Variants in ZNRF2 observed in about 807,000 individuals in gnomAD.
The protein encoded by ZNRF2 is E3 ubiquitin-protein ligase ZNRF2.
In ZNRF2, 16 loss-of-function variants were observed where a neutral mutation model predicts 20.4. The ratio of observed to expected loss-of-function variants is 0.79; its 90% confidence interval spans 0.53 to 1.19. The LOEUF (loss-of-function observed/expected upper bound fraction) is 1.19, where lower values mean the gene tolerates loss of function less well. ZNRF2 is among the 50% of genes most tolerant of loss of function. The probability of loss-of-function intolerance (pLI) is 0.00; values close to 1 mark genes in which losing one functional copy is unlikely to be tolerated. For synonymous variants in ZNRF2, 178 were observed against 144.9 expected (o/e 1.23, Z -1.64); for missense variants, 363 against 332.4 (o/e 1.09, Z -0.72).
chr7:30,299,974 G>A (rs965235530), intron 1 of ZNRF2, among the ~76,000 whole-genome samples: 3 of 151,302 alleles, frequency 2.0e-5, no homozygotes, highest in Non-Finnish European at 4.4e-5. Context: ...TAATAGAGAC[G>A]GGGTTTTCAC....
chr7:30,320,881 T>A (rs1051733496), intron 1 of ZNRF2, among the ~76,000 whole-genome samples: 3 of 152,218 alleles, frequency 2.0e-5, no homozygotes, highest in Admixed American at 2.0e-4. Flanking sequence ...CATAATGCCT[T>A]AGAGCTGCCT....
At chr7:30,346,752 A>G (rs1215407074) in intron 2 of ZNRF2, among the ~76,000 whole-genome samples, 3 of 151,970 alleles carry the variant, frequency 2.0e-5, no homozygotes, top group Non-Finnish European at 2.9e-5. Context: ...TCTAAAATCA[A>G]GTCTTATTTA....
rs1438027644 is a variant in ZNRF2, at chr7:30,327,470, AC to A, written c.565+3734del. 7.9e-5 allele frequency among the ~76,000 whole-genome samples: 12 copies of A among 152,090 alleles called. No individual in the cohort carries two copies. In the South Asian group the frequency reaches 1.7e-3, roughly 21 times the overall value. On this transcript the variant is annotated intron_variant, in intron 2 of 4. Transcript: ENST00000323037. ...TGACAGTTCTTAATTTCCTGATTTA[AC>A]TATGCCTAAGTCATTAAACTGTTCT...
chr7:30,308,730 C>T (rs1367573275), intron 1 of ZNRF2, among the ~76,000 whole-genome samples: 1 of 152,056 alleles, frequency 6.6e-6, no homozygotes, highest in African/African-American at 2.4e-5. Flanking sequence ...TTCTTTACAT[C>T]CTCTGTAACA....
intron 2 of ZNRF2, 87 bp downstream of exon 2, chr7:30,323,824 G>A (rs911396419): frequency 1.1e-6 from 1 of 908,952 alleles, no homozygotes; most frequent in African/African-American, 1.8e-5. Context: ...TTTAAAAGGA[G>A]GGAAGGACAT....
At chr7:30,358,107 A>AT (rs1800069375) in intron 3 of ZNRF2, among the ~76,000 whole-genome samples, 1 of 152,162 alleles carries the variant, frequency 6.6e-6, no homozygotes, top group Non-Finnish European at 1.5e-5. Context: ...TTAACTCAAT[A>AT]AATGTGAGAA....
At chr7:30,327,194 T>C (rs574795231) in intron 2 of ZNRF2, among the ~76,000 whole-genome samples, 42 of 152,356 alleles carry the variant, frequency 2.8e-4, no homozygotes, top group Middle Eastern at 6.8e-3. Flanking sequence ...GCCTTTGTCA[T>C]GAAATCTTTG....
chr7:30,365,233 G>A (rs1800194587), intron 4 of ZNRF2, among the ~76,000 whole-genome samples: 1 of 127,264 alleles, frequency 7.9e-6, no homozygotes, highest in Non-Finnish European at 1.6e-5. Flanking sequence ...TTTTCCTTTA[G>A]TGTCACAGTG....
At chr7:30,289,640 C>T (rs13307952) in intron 1 of ZNRF2, among the ~76,000 whole-genome samples, 18 of 152,134 alleles carry the variant, frequency 1.2e-4, no homozygotes, top group Admixed American at 4.6e-4. Context: ...CTTCGTGTTA[C>T]ATGTTTTGCT....
intron 1 of ZNRF2, among the ~76,000 whole-genome samples, chr7:30,311,801 C>T (rs1372222697): frequency 6.6e-6 from 1 of 152,060 alleles, no homozygotes; most frequent in East Asian, 1.9e-4. Context: ...CAGTAGTCGG[C>T]AAAATTTTAT....
At chr7:30,289,630 C>G (rs1020711060) in intron 1 of ZNRF2, among the ~76,000 whole-genome samples, 14 of 152,160 alleles carry the variant, frequency 9.2e-5, no homozygotes, top group African/African-American at 3.1e-4. Flanking sequence ...AATTTCATAC[C>G]TTCGTGTTAC....
chr7:30,366,542 T>G lies in ZNRF2; in HGVS notation c.*530T>G, dbSNP rs1800218311. Reference sequence around the variant, plus strand: ...AAGTCTTAAATGTGAAACCAAGAAATGTAATCAAGCAGTAAAAACATCTGA... The same window carrying G: ...AAGTCTTAAATGTGAAACCAAGAAAGGTAATCAAGCAGTAAAAACATCTGA... On this transcript the variant is annotated 3_prime_UTR_variant, in exon 5 of 5. Transcript: ENST00000323037. The G allele has an allele frequency of 1.3e-5, 2 of 152,500 alleles. No homozygotes were observed. The highest frequency in any genetic ancestry group is 2.9e-5 in the Non-Finnish European group (2 of 67,986). 9.4% of individuals were successfully genotyped at this position (152,500 alleles called of 1,614,324 possible).
Position 30,311,515 on chromosome 7 carries a change from G to A in ZNRF2, c.470-12127G>A, listed in dbSNP as rs377215395. ...AACTAACACATACCAATGAAAAGTG[G>A]TTTCCATAGGTGAGCCCCAATGGGA... is the stretch of plus-strand genomic sequence containing the variant. On this transcript the variant is annotated intron_variant, in intron 1 of 4. Transcript: ENST00000323037. Among the ~76,000 whole-genome samples the A allele has an allele frequency of 4.6e-5, 7 of 152,292 alleles. No individual in the cohort carries two copies. In the East Asian group the frequency reaches 1.2e-3, roughly 25 times the overall value.
intron 1 of ZNRF2, among the ~76,000 whole-genome samples, chr7:30,295,044 AGAGAGAGTGTGTGTGTGTGTGTGT>A (rs1181755997): frequency 7.2e-5 from 8 of 111,806 alleles, no homozygotes; most frequent in Admixed American, 2.6e-4. Context: ...AGAGAGAGAG[AGAGAGAGTGTGTGTGTGTGTGTGT>A]GTGTGTGTGT....
At chr7:30,330,158 A>G (rs1227174914) in intron 2 of ZNRF2, among the ~76,000 whole-genome samples, 1 of 152,172 alleles carries the variant, frequency 6.6e-6, no homozygotes, top group Non-Finnish European at 1.5e-5. Flanking sequence ...AGATTTATTT[A>G]TATTTAAGGA....
At chr7:30,341,624 AGTGT>A (rs1799796666) in intron 2 of ZNRF2, among the ~76,000 whole-genome samples, 1 of 152,080 alleles carries the variant, frequency 6.6e-6, no homozygotes, top group Non-Finnish European at 1.5e-5. Context: ...TTTGCTGAGG[AGTGT>A]TTTACTTCCA....
In ZNRF2 at chr7:30,336,411, A is replaced by G. The variant is rs1253538084; in HGVS notation, c.565+12674A>G. 7.2e-5 allele frequency among the ~76,000 whole-genome samples: 11 copies of G among 152,026 alleles called. No homozygotes were observed. The South Asian group carries it at 8.3e-4, about 11-fold the overall frequency. On this transcript the variant is annotated intron_variant, in intron 2 of 4. Transcript: ENST00000323037. The stretch of plus-strand genomic sequence containing the variant: ...GAGTAGTTTGGTTTCAGGGAGGGCA[A>G]TATTAACACAGTGGCTCCGTCTTGG...
In ZNRF2 at chr7:30,337,178, C is replaced by T. The variant is rs188179387; in HGVS notation, c.565+13441C>T. Among the ~76,000 whole-genome samples the T allele has an allele frequency of 3.7e-4, 57 of 152,214 alleles. 1 individual carries two copies. In the East Asian group the frequency reaches 0.01, roughly 27 times the overall value. On this transcript the variant is annotated intron_variant, in intron 2 of 4. Transcript: ENST00000323037. Reference sequence around the variant, plus strand: ...ATGTTGTTTGCACAGATATTTATGACTTATGTTCTTTTCGGATTGAATCTT... The same window carrying T: ...ATGTTGTTTGCACAGATATTTATGATTTATGTTCTTTTCGGATTGAATCTT...
intron 3 of ZNRF2, among the ~76,000 whole-genome samples, chr7:30,360,842 G>A (rs1800116230): frequency 6.6e-6 from 1 of 152,190 alleles, no homozygotes; most frequent in Non-Finnish European, 1.5e-5. Context: ...AGTACTATAT[G>A]TTGTTTTAGA....
Sources: gnomAD v4.1 joint callset for allele counts (sites outside exome capture counted in the v4.1 genomes callset) on GRCh38, gnomAD v4.1.1 for gene constraint, MANE v1.5 for transcripts, NCBI Gene and HGNC (gene_info 2026-07-23, HGNC 2026-07-21) for gene names.